Variants in DNAH11 observed in about 807,000 individuals in gnomAD.
DNAH11 encodes dynein axonemal heavy chain 11, also known as axonemal beta dynein heavy chain 11.
DNAH11 carries 442 observed loss-of-function variants against 526.0 expected under a neutral mutation model. The ratio of observed to expected loss-of-function variants is 0.84; its 90% confidence interval spans 0.78 to 0.91. The LOEUF is 0.91. Among genes scored for constraint, DNAH11 ranks in the 40% least tolerant of loss-of-function variants. The pLI, the probability that DNAH11 is intolerant of heterozygous loss-of-function variation, is 0.00. For missense variants in DNAH11, 6,989 were observed against 5,448.7 expected, an observed-to-expected ratio of 1.28 and a Z score of -8.90; for synonymous variants, 2,461 against 1,935.9, an observed-to-expected ratio of 1.27 and a Z score of -7.12.
intron 25 of DNAH11, among the ~76,000 whole-genome samples, chr7:21,625,291 A>G: frequency 6.6e-6 from 1 of 151,916 alleles, no homozygotes; most frequent in East Asian, 1.9e-4. Flanking sequence ...AACCATTTCA[A>G]TTTGTTGACA....
chr7:21,635,033 A>G (rs1026398655), intron 25 of DNAH11, among the ~76,000 whole-genome samples: 2 of 152,216 alleles, frequency 1.3e-5, no homozygotes, highest in East Asian at 3.9e-4. Flanking sequence ...AATACTTGAA[A>G]AAACAAAACA....
chr7:21,683,395 GTTTA>G (rs775903058), intron 31 of DNAH11, among the ~76,000 whole-genome samples: 1 of 152,014 alleles, frequency 6.6e-6, no homozygotes, highest in African/African-American at 2.4e-5. Flanking sequence ...TGAAAATGTA[GTTTA>G]TTTATGCCTC....
intron 46 of DNAH11, among the ~76,000 whole-genome samples, 161 bp from the exon 47 acceptor site, chr7:21,738,540 G>A (rs2128489939): frequency 6.6e-6 from 1 of 152,288 alleles, no homozygotes; most frequent in Non-Finnish European, 1.5e-5. Context: ...CACAAAAGGA[G>A]GGGCCAGAGA....
chr7:21,719,526 G>C (rs552177652), intron 43 of DNAH11, among the ~76,000 whole-genome samples: 2 of 152,262 alleles, frequency 1.3e-5, no homozygotes, highest in East Asian at 3.9e-4. Flanking sequence ...GATTTCAACA[G>C]TGCCTTAGAA....
In DNAH11 at chr7:21,784,379, C is replaced by G. The variant is rs748334974; in HGVS notation, c.9484-48C>G. On this transcript the variant is annotated intron_variant, in intron 57 of 81. Coordinates refer to ENST00000409508, the MANE Select transcript of DNAH11 (RefSeq NM_001277115.2). ...AACCTCCATTTTTCTTTAGAGATATCTGTGATAATAATTTATACGGGTTTG... is the reference window on the plus strand; with the variant it reads ...AACCTCCATTTTTCTTTAGAGATATGTGTGATAATAATTTATACGGGTTTG... 5.4e-5 allele frequency: 75 copies of G among 1,393,970 alleles called. No homozygotes were observed. The East Asian group carries it at 7.1e-4, about 13-fold the overall frequency. The allele number at this position is 1,393,970 out of a possible 1,614,324, so 86.4% of individuals were successfully genotyped here. A position where few individuals can be genotyped will look rare whatever the true frequency, so the allele number is the denominator to read the frequency against.
intron 3 of DNAH11, 39 bp downstream of exon 3, chr7:21,559,037 A>G: frequency 2.0e-6 from 3 of 1,528,128 alleles, no homozygotes; most frequent in African/African-American, 1.4e-5. Context: ...ATTAAAGTAG[A>G]GAGCCAGGCC....
At chr7:21,879,882 C>G (rs1025665776) in intron 74 of DNAH11, among the ~76,000 whole-genome samples, 1 of 152,020 alleles carries the variant, frequency 6.6e-6, no homozygotes, top group African/African-American at 2.4e-5. Flanking sequence ...GACAGGAGTT[C>G]AAGACCAGCC....
At chr7:21,586,894 A>G (rs911970817) in intron 9 of DNAH11, among the ~76,000 whole-genome samples, 3 of 152,186 alleles carry the variant, frequency 2.0e-5, no homozygotes, top group Admixed American at 6.5e-5. Context: ...GAAGCTACAC[A>G]CTGAAGCACA....
In DNAH11 at chr7:21,589,348, C is replaced by T. The variant is rs1221969023; in HGVS notation, c.2114C>T (p.Pro705Leu). 1.2e-6 allele frequency: 2 copies of T among 1,608,058 alleles called. No individual in the cohort carries two copies. Among genetic ancestry groups the T allele is most frequent in the Admixed American group, 1.7e-5 (1 of 58,986 alleles). ...ATCTGTGAATTCAATTTGAATCAAC[C>T]CTTGGTTAAATTCAGTGCCATAAAT... is the stretch of plus-strand genomic sequence containing the variant. Reference protein sequence around the residue: ...DEICEFNLNQPLVKFSAINGL... With the variant: ...DEICEFNLNQLLVKFSAINGL... The change falls in exon 12 of 82, where the codon CCC (proline) becomes CTC (leucine). Residue 705 changes from proline (P) to leucine (L), a missense_variant. Coordinates refer to ENST00000409508, the MANE Select transcript of DNAH11 (RefSeq NM_001277115.2).
intron 37 of DNAH11, chr7:21,703,749 A>G (rs1312645383): frequency 6.6e-6 from 1 of 152,104 alleles, no homozygotes; most frequent in Non-Finnish European, 1.5e-5. Context: ...CTTGGGAAAT[A>G]ACAACAACAA....
At chr7:21,784,590 G>A (rs942540922) in intron 58 of DNAH11, 50 bp downstream of exon 58, 4 of 1,335,014 alleles carry the variant, frequency 3.0e-6, no homozygotes, top group African/African-American at 2.9e-5. Flanking sequence ...ATATTTAAAG[G>A]TTATTAGAGT....
At chr7:21,555,928 G>T (rs1463964477) in intron 2 of DNAH11, among the ~76,000 whole-genome samples, 1 of 152,168 alleles carries the variant, frequency 6.6e-6, no homozygotes, top group East Asian at 1.9e-4. Flanking sequence ...CCCAAAGAAT[G>T]GACTTGGAGA....
In DNAH11 at chr7:21,681,532, A is replaced by G; in HGVS notation, c.5329-14A>G. ...GTAACCCTTCTCTCCTTTTTAAAAA[A>G]TGATTCCTTCTAGATTTCTCAGCTG... On this transcript the variant is annotated splice_polypyrimidine_tract_variant and intron_variant, in intron 30 of 81. Transcript: ENST00000409508. 6.2e-7 allele frequency: 1 copy of G among 1,611,732 alleles called. No homozygotes were observed. Among genetic ancestry groups the G allele is most frequent in the Non-Finnish European group, 8.5e-7 (1 of 1,178,626 alleles).
Position 21,735,733 on chromosome 7 carries a change from G to T in DNAH11, c.7534G>T (p.Ala2512Ser), listed in dbSNP as rs1186229069. 5 of 1,613,968 alleles carry T rather than the reference G, an allele frequency of 3.1e-6. No homozygotes were observed. Among genetic ancestry groups the T allele is most frequent in the Non-Finnish European group, 4.2e-6 (5 of 1,179,880 alleles). The stretch of plus-strand genomic sequence containing the variant: ...AAAACCTCTAATGCTAGTAGGAAAT[G>T]CAGGAGTGGGAAAAACAGTCTTTGT... The part of the protein sequence containing the change: ...KGKPLMLVGN[A>S]GVGKTVFVGD... Residue 2512 changes from alanine (A) to serine (S), a missense_variant, in exon 46 of 82, where the codon GCA becomes TCA. Transcript: ENST00000409508.
chr7:21,627,563 C>G (rs1229668691), intron 25 of DNAH11, among the ~76,000 whole-genome samples: 1 of 151,988 alleles, frequency 6.6e-6, no homozygotes, highest in Non-Finnish European at 1.5e-5. Flanking sequence ...GTTCTTGGCA[C>G]CTTAGTTGAA....
In DNAH11 at chr7:21,543,106, C is replaced by T. The variant is rs1782647825; in HGVS notation, c.-140C>T. 9 of 1,416,328 alleles carry T rather than the reference C, an allele frequency of 6.4e-6. No individual in the cohort carries two copies. Among genetic ancestry groups the T allele is most frequent in the Non-Finnish European group, 7.3e-6 (8 of 1,091,470 alleles). 87.7% of individuals were successfully genotyped at this position (1,416,328 alleles called of 1,614,324 possible). A position where few individuals can be genotyped will look rare whatever the true frequency, so the allele number is the denominator to read the frequency against. On this transcript the variant is annotated 5_prime_UTR_variant, in exon 1 of 82. Coordinates refer to ENST00000409508, the MANE Select transcript of DNAH11 (RefSeq NM_001277115.2). ...CAGTGGCGCGGCTGCTAAGTAGCAG[C>T]AGGTGGGAGACTAGGGTCTGCGCTC...
chr7:21,594,347 G>T (rs996821124), intron 14 of DNAH11, among the ~76,000 whole-genome samples: 1 of 152,134 alleles, frequency 6.6e-6, no homozygotes, highest in Non-Finnish European at 1.5e-5. Context: ...AATATTTATT[G>T]TGAGCATTGT....
chr7:21,599,465 G>A (rs1313794011), intron 14 of DNAH11, among the ~76,000 whole-genome samples: 1 of 152,206 alleles, frequency 6.6e-6, no homozygotes, highest in Non-Finnish European at 1.5e-5. Context: ...TAGTGACAGA[G>A]CAAAAACTAG....
chr7:21,657,600 G>A (rs1043769851), intron 29 of DNAH11, among the ~76,000 whole-genome samples: 5 of 152,190 alleles, frequency 3.3e-5, no homozygotes, highest in African/African-American at 9.7e-5. Context: ...AGGGTATCCA[G>A]GAGACATACA....
Sources: gnomAD v4.1 joint callset for allele counts (sites outside exome capture counted in the v4.1 genomes callset) on GRCh38, gnomAD v4.1.1 for gene constraint, MANE v1.5 for transcripts, NCBI Gene and HGNC (gene_info 2026-07-23, HGNC 2026-07-21) for gene names.